Variants in GULP1 observed in about 807,000 individuals in gnomAD.
GULP1 encodes GULP PTB domain containing engulfment adaptor 1.
GULP1 carries 19 observed loss-of-function variants against 40.9 expected under a neutral mutation model. That is an observed-to-expected ratio of 0.46 (90% CI 0.32 to 0.68). The LOEUF is 0.68. Ranked by LOEUF, GULP1 falls within the 30% of genes least tolerant of loss-of-function variation. The pLI, the probability that GULP1 is intolerant of heterozygous loss-of-function variation, is 0.03. For missense variants in GULP1, 312 were observed against 362.2 expected (o/e 0.86, Z 1.12); for synonymous variants, 119 against 117.6 (o/e 1.01, Z -0.08).
intron 1 of GULP1, among the ~76,000 whole-genome samples, chr2:188,314,235 CTT>C (rs1215792680): frequency 6.6e-6 from 1 of 152,080 alleles, no homozygotes; most frequent in African/African-American, 2.4e-5. Context: ...AGAAAAATCT[CTT>C]CACAAAAGTT....
At chr2:188,393,439 C>T (rs1226453768) in intron 2 of GULP1, among the ~76,000 whole-genome samples, 1 of 151,784 alleles carries the variant, frequency 6.6e-6, no homozygotes, top group Non-Finnish European at 1.5e-5. Context: ...TTTATCCATC[C>T]TTTTATCCTG....
chr2:188,422,978 A>G (rs1490104277), intron 2 of GULP1, among the ~76,000 whole-genome samples: 2 of 152,066 alleles, frequency 1.3e-5, no homozygotes, highest in African/African-American at 4.8e-5. Context: ...TAGACTGAGA[A>G]GCACTACCCA....
intron 2 of GULP1, among the ~76,000 whole-genome samples, chr2:188,418,345 T>C (rs867864551): frequency 1.8e-4 from 28 of 152,086 alleles, no homozygotes; most frequent in Middle Eastern, 3.2e-3. Context: ...TGAAATGACA[T>C]TTTAGGCCTG....
intron 1 of GULP1, among the ~76,000 whole-genome samples, chr2:188,323,047 A>T (rs1212750440): frequency 6.6e-6 from 1 of 151,956 alleles, no homozygotes; most frequent in East Asian, 1.9e-4. Context: ...AGGAGATTTT[A>T]CCTTTGCGTT....
At chr2:188,562,776 A>G (rs1696640107) in intron 7 of GULP1, among the ~76,000 whole-genome samples, 1 of 152,302 alleles carries the variant, frequency 6.6e-6, no homozygotes, top group South Asian at 2.1e-4. Flanking sequence ...GAGGTATACT[A>G]TATGCTGGGC....
intron 7 of GULP1, among the ~76,000 whole-genome samples, chr2:188,548,242 A>G (rs940854261): frequency 6.6e-5 from 10 of 152,090 alleles, no homozygotes; most frequent in African/African-American, 2.2e-4. Flanking sequence ...GTCTAAAACA[A>G]TTTCTGGATT....
intron 7 of GULP1, among the ~76,000 whole-genome samples, chr2:188,547,931 A>C (rs1484593650): frequency 6.6e-6 from 1 of 152,084 alleles, no homozygotes; most frequent in African/African-American, 2.4e-5. Context: ...GAGAATGAAC[A>C]CACACTCATT....
At position 188,541,253 on chromosome 2, in the gene GULP1, A is replaced by G; in HGVS notation, c.334A>G (p.Thr112Ala). The stretch of plus-strand genomic sequence containing the variant: ...TGATAAAACTGACAAGAGGATATTC[A>G]CTTTCATATGCAAAGATTCTGAGTC... ...ADDKTDKRIFTFICKDSESNK... is the reference protein window; with the variant it reads ...ADDKTDKRIFAFICKDSESNK... Residue 112 changes from threonine to alanine, a missense_variant, in exon 7 of 12, where the codon ACT (threonine) becomes GCT (alanine). Transcript: ENST00000409830. 18 of 1,611,178 alleles carry G rather than the reference A, an allele frequency of 1.1e-5. No individual in the cohort carries two copies. The highest frequency in any genetic ancestry group is 1.5e-5 in the Non-Finnish European group (18 of 1,177,348).
intron 2 of GULP1, among the ~76,000 whole-genome samples, chr2:188,399,714 A>AAAAC (rs1553540229): frequency 0.11 from 13,945 of 128,382 alleles, 1,040 homozygotes; most frequent in Non-Finnish European, 0.12. Flanking sequence ...AAAAAAAAAA[A>AAAAC]CATCAAACTG....
intron 7 of GULP1, among the ~76,000 whole-genome samples, chr2:188,542,423 G>A (rs944831822): frequency 1.3e-5 from 2 of 152,022 alleles, no homozygotes; most frequent in Non-Finnish European, 2.9e-5. Flanking sequence ...ATTTGTTCAT[G>A]TGACTCCTAC....
intron 2 of GULP1, among the ~76,000 whole-genome samples, chr2:188,404,330 A>T (rs1022295975): frequency 3.9e-5 from 6 of 152,200 alleles, no homozygotes; most frequent in African/African-American, 1.4e-4. Context: ...AACTGAGTGT[A>T]GCATAGAAAT....
intron 1 of GULP1, among the ~76,000 whole-genome samples, chr2:188,295,087 TA>T (rs1435829879): frequency 6.6e-6 from 1 of 152,222 alleles, no homozygotes; most frequent in Non-Finnish European, 1.5e-5. Context: ...CATTTATTTT[TA>T]TTTCAGTTTA....
chr2:188,409,570 A>G (rs1355688528), intron 2 of GULP1, among the ~76,000 whole-genome samples: 3 of 152,086 alleles, frequency 2.0e-5, no homozygotes, highest in African/African-American at 2.4e-5. Flanking sequence ...TTTTTTTCCA[A>G]AAATTGAAGA....
intron 1 of GULP1, among the ~76,000 whole-genome samples, chr2:188,356,341 T>A (rs1346473079): frequency 6.6e-6 from 1 of 152,120 alleles, no homozygotes; most frequent in African/African-American, 2.4e-5. Context: ...TCAGCAAAGT[T>A]ACAGCATATG....
intron 5 of GULP1, among the ~76,000 whole-genome samples, chr2:188,528,819 C>A (rs1344596594): frequency 6.6e-6 from 1 of 152,106 alleles, no homozygotes; most frequent in Non-Finnish European, 1.5e-5. Context: ...TTTGAGTTTT[C>A]TCAACTGTCT....
chr2:188,548,083 AC>A (rs1167534714), intron 7 of GULP1, among the ~76,000 whole-genome samples: 2 of 152,116 alleles, frequency 1.3e-5, no homozygotes, highest in East Asian at 3.9e-4. Flanking sequence ...AAAACTTTTC[AC>A]TCTCTTGGCT....
At chr2:188,379,610 T>A (rs2152488486) in intron 1 of GULP1, among the ~76,000 whole-genome samples, 1 of 152,248 alleles carries the variant, frequency 6.6e-6, no homozygotes, top group Admixed American at 6.5e-5. Flanking sequence ...TAAATACATA[T>A]CTAAAACACG....
intron 2 of GULP1, among the ~76,000 whole-genome samples, chr2:188,403,582 A>G (rs1470476104): frequency 1.3e-5 from 2 of 152,228 alleles, no homozygotes; most frequent in East Asian, 3.9e-4. Context: ...AGAACTATGC[A>G]GGAAAATAAA....
At chr2:188,299,935 G>A (rs2035827090) in intron 1 of GULP1, among the ~76,000 whole-genome samples, 2 of 152,186 alleles carry the variant, frequency 1.3e-5, no homozygotes, top group Non-Finnish European at 2.9e-5. Context: ...ACAACTTGTG[G>A]ATTTTACAGT....
Sources: gnomAD v4.1 joint callset for allele counts (sites outside exome capture counted in the v4.1 genomes callset) on GRCh38, gnomAD v4.1.1 for gene constraint, MANE v1.5 for transcripts, NCBI Gene and HGNC (gene_info 2026-07-23, HGNC 2026-07-21) for gene names.